The following SKIC3 variants were observed in gnomAD, a reference collection of about 807,000 sequenced individuals.
The protein encoded by SKIC3 is superkiller complex protein 3.
the SKIC3 span, among the ~76,000 whole-genome samples, chr5:95,489,047 T>C: frequency 6.6e-6 from 1 of 152,196 alleles, no homozygotes; most frequent in African/African-American, 2.4e-5. Context: ...CTGGATGTGG[T>C]GGCTCACACC....
the SKIC3 span, chr5:95,491,115 A>C: frequency 6.5e-7 from 1 of 1,542,894 alleles, no homozygotes; most frequent in Admixed American, 2.1e-5. Context: ...TGAGATTAAG[A>C]GTTTACAAGT....
At chr5:95,543,117 C>G in the SKIC3 span, 2 of 1,578,768 alleles carry the variant, frequency 1.3e-6, no homozygotes, top group Non-Finnish European at 1.7e-6. Context: ...AATGTTGAAA[C>G]CTGTATTTTG....
chr5:95,513,540 G>A, the SKIC3 span: 1 of 1,601,142 alleles, frequency 6.2e-7, no homozygotes, highest in Non-Finnish European at 8.6e-7. Flanking sequence ...TCTCATTAAT[G>A]AATCCTCAAG....
At chr5:95,504,750 C>A in the SKIC3 span, among the ~76,000 whole-genome samples, 3 of 151,994 alleles carry the variant, frequency 2.0e-5, no homozygotes, top group African/African-American at 7.3e-5. Flanking sequence ...CCTGTAATCC[C>A]AGCACTTTGG....
At chr5:95,540,912 T>G in the SKIC3 span, 3,968 of 1,364,442 alleles carry the variant, frequency 2.9e-3, 108 homozygotes, top group Admixed American at 0.056. Flanking sequence ...AATAAAAACA[T>G]TTTTAATTTG....
chr5:95,518,708 T>C, the SKIC3 span, among the ~76,000 whole-genome samples: 1 of 152,098 alleles, frequency 6.6e-6, no homozygotes, highest in Non-Finnish European at 1.5e-5. Context: ...TCCATTCATC[T>C]GTTGTTGAAT....
At chr5:95,505,177 C>T in the SKIC3 span, among the ~76,000 whole-genome samples, 1 of 152,152 alleles carries the variant, frequency 6.6e-6, no homozygotes, top group Admixed American at 6.6e-5. Flanking sequence ...TTCTGGTATC[C>T]ATCACTATAA....
the SKIC3 span, chr5:95,478,345 C>A: frequency 1.2e-4 from 199 of 1,613,912 alleles, 3 homozygotes; most frequent in South Asian, 2.1e-3. Context: ...GAGCTTCCCA[C>A]TCCAACTGCC....
the SKIC3 span, among the ~76,000 whole-genome samples, chr5:95,552,954 T>G: frequency 1.3e-5 from 2 of 151,988 alleles, no homozygotes; most frequent in Admixed American, 1.3e-4. Flanking sequence ...TAATGAATGG[T>G]TAAAAATAGA....
At chr5:95,552,263 T>A in the SKIC3 span, among the ~76,000 whole-genome samples, 4 of 152,208 alleles carry the variant, frequency 2.6e-5, no homozygotes, top group African/African-American at 9.6e-5. Context: ...CTACACTACA[T>A]GAATACTAGA....
chr5:95,541,751 T>A, the SKIC3 span: 3 of 1,226,852 alleles, frequency 2.4e-6, no homozygotes, highest in South Asian at 3.9e-5. Context: ...TCTACATGAT[T>A]TTTAATCAGT....
At chr5:95,512,595 C>T in the SKIC3 span, 34 of 1,613,800 alleles carry the variant, frequency 2.1e-5, no homozygotes, top group African/African-American at 5.3e-5. Flanking sequence ...AGACCCAATA[C>T]GCATAACCTA....
the SKIC3 span, chr5:95,467,905 C>T: frequency 6.2e-7 from 1 of 1,613,640 alleles, no homozygotes; most frequent in South Asian, 1.1e-5. Flanking sequence ...ATAAGTGTCT[C>T]AGTAGGTACC....
the SKIC3 span, among the ~76,000 whole-genome samples, chr5:95,484,087 A>G: frequency 6.6e-6 from 1 of 152,208 alleles, no homozygotes; most frequent in East Asian, 1.9e-4. Flanking sequence ...TGTGAGTTCA[A>G]ATCACAACTC....
the SKIC3 span, chr5:95,521,991 T>C: frequency 2.1e-4 from 332 of 1,603,162 alleles, no homozygotes; most frequent in Admixed American, 8.7e-4. Flanking sequence ...AGGCAGGAAA[T>C]CTACTCAAGG....
chr5:95,533,747 A>G, the SKIC3 span, among the ~76,000 whole-genome samples: 1 of 152,186 alleles, frequency 6.6e-6, no homozygotes, highest in African/African-American at 2.4e-5. Flanking sequence ...CTAATCAATC[A>G]GTATAATCCC....
the SKIC3 span, among the ~76,000 whole-genome samples, chr5:95,531,952 T>A: frequency 6.6e-6 from 1 of 152,114 alleles, no homozygotes. Context: ...TCAAAAAGGC[T>A]TAGTCTGTTA....
the SKIC3 span, chr5:95,529,959 C>T: frequency 9.2e-7 from 1 of 1,084,588 alleles, no homozygotes; most frequent in Non-Finnish European, 1.3e-6. Context: ...AAGCAGAGTC[C>T]AAGGTATGCA....
chr5:95,494,615 C>A, the SKIC3 span: 1 of 1,490,060 alleles, frequency 6.7e-7, no homozygotes, highest in South Asian at 1.1e-5. Context: ...AGATTTTTCC[C>A]CCACTTACAA....
Sources: allele counts gnomAD v4.1 joint callset (sites outside exome capture counted in the v4.1 genomes callset), GRCh38; gene constraint gnomAD v4.1.1; transcripts MANE v1.5; gene names NCBI Gene and HGNC (gene_info 2026-07-23, HGNC 2026-07-21).